CNKSR1: variants seen among roughly 807,000 people sequenced by gnomAD.
CNKSR1 encodes connector enhancer of kinase suppressor of Ras 1.
CNKSR1 carries 88 observed loss-of-function variants against 95.6 expected under a neutral mutation model. The ratio of observed to expected loss-of-function variants is 0.92; its 90% CI spans 0.78 to 1.10. CNKSR1 has a LOEUF of 1.10. Ranked by LOEUF, CNKSR1 falls within the 50% of genes least tolerant of loss-of-function variation. The pLI, the probability that CNKSR1 is intolerant of heterozygous loss-of-function variation, is 0.00. For missense variants in CNKSR1, 836 were observed against 912.0 expected, an observed-to-expected ratio of 0.92 and a Z score of 1.07; for synonymous variants, 355 against 369.7, an observed-to-expected ratio of 0.96 and a Z score of 0.46.
At position 26,185,076 on chromosome 1, in the gene CNKSR1, G is replaced by A. The variant is rs1477974769; in HGVS notation, c.1198G>A (p.Asp400Asn). Residue 400 changes from aspartate to asparagine, a missense_variant, in exon 14 of 21, where the codon GAC (aspartate) becomes AAC (asparagine). Asp to Asn is a conservative substitution (Grantham distance 23, BLOSUM62 1). Coordinates refer to ENST00000361530, the MANE Select transcript of CNKSR1 (RefSeq NM_006314.3). ...SCRELGRPDC[D>N]GWLLLRKAPG... ...CCGTGAGCTGGGCCGGCCGGACTGT[G>A]ACGGCTGGCTCCTGTTGCGAAAGGC... is the stretch of plus-strand genomic sequence containing the variant. The A allele has an allele frequency of 1.2e-6, 2 of 1,605,936 alleles. No individual in the cohort carries two copies. Among genetic ancestry groups the A allele is most frequent in the African/African-American group, 1.3e-5 (1 of 74,880 alleles).
At chr1:26,181,751 A>T in intron 3 of CNKSR1, 106 bp from the exon 4 acceptor site, 1 of 1,067,740 alleles carries the variant, frequency 9.4e-7, no homozygotes, top group Non-Finnish European at 1.4e-6. Flanking sequence ...AAAACCCATC[A>T]GAGCAGGTAT....
Position 26,180,700 on chromosome 1 carries a change from C to T in CNKSR1, c.211-15C>T. The T allele has an allele frequency of 6.2e-7, 1 of 1,614,018 alleles. No homozygotes were observed. The highest frequency in any genetic ancestry group is 2.2e-5 in the East Asian group (1 of 44,878). On this transcript the variant is annotated splice_polypyrimidine_tract_variant and intron_variant, in intron 2 of 20. Coordinates refer to ENST00000361530, the MANE Select transcript of CNKSR1 (RefSeq NM_006314.3). ...GCTGCTGCCAGGGAGGTGACTTGCCCTCTTTCTGGCACAGAGCTCCAGGCT... is the reference window on the plus strand; with the variant it reads ...GCTGCTGCCAGGGAGGTGACTTGCCTTCTTTCTGGCACAGAGCTCCAGGCT...
chr1:26,183,399 C>T lies in CNKSR1; in HGVS notation c.738C>T (p.Ile246=), dbSNP rs907392705. The T allele has an allele frequency of 1.2e-6, 2 of 1,614,132 alleles. No homozygotes were observed. The highest frequency in any genetic ancestry group is 3.3e-5 in the Admixed American group (2 of 60,012). ...AGCCTGGAGACGAGGTTGTCCAGAT[C>T]AACGAGCAGGTGGTGGTGCGTGAGG... ...QIQPGDEVVQ[I]NEQVVVGWPR... is the part of the protein sequence containing the mutation. The change falls in exon 8 of 21, where the codon ATC becomes ATT. Residue 246 remains isoleucine (I), a synonymous_variant. Transcript: ENST00000361530.
Position 26,177,663 on chromosome 1 carries a change from G to T in CNKSR1, c.52+64G>T. On this transcript the variant is annotated intron_variant, in intron 1 of 20. Transcript: ENST00000361530. Reference sequence around the variant, plus strand: ...TAGGTGTGGTGTCCCACCGGGAAGCGGGAGGAGAGGAAAAGGAAAAAAAAT... The same window carrying T: ...TAGGTGTGGTGTCCCACCGGGAAGCTGGAGGAGAGGAAAAGGAAAAAAAAT... The T allele has an allele frequency of 4.4e-6, 7 of 1,587,890 alleles. 1 individual carries two copies. In the South Asian group the frequency reaches 7.8e-5, roughly 18 times the overall value.
rs375302474 is a variant in CNKSR1 at position 26,181,938 on chromosome 1, T to G, written c.474T>G (p.His158Gln). ...DLLEELSQVL[H>Q]EDGPAAEKEG... ...TGGAGGAGCTGAGCCAGGTCTTGCA[T>G]GAGGTAGGAGAACCAAGGGCCAGGC... Residue 158 changes from histidine (H) to glutamine (Q), a missense_variant, in exon 4 of 21, where the codon CAT becomes CAG. His to Gln is a conservative substitution (Grantham distance 24). Transcript: ENST00000361530. The G allele has an allele frequency of 8.6e-5, 139 of 1,613,866 alleles. No homozygotes were observed. The highest frequency in any genetic ancestry group is 1.7e-4 in the Admixed American group (10 of 60,010).
At chr1:26,184,869 C>A in intron 13 of CNKSR1, 145 bp from the exon 14 acceptor site, 1 of 911,244 alleles carries the variant, frequency 1.1e-6, no homozygotes, top group Non-Finnish European at 1.6e-6. Flanking sequence ...AGGGTCATCC[C>A]ACCTCAGAGA....
chr1:26,186,138 G>A (rs17163637), intron 14 of CNKSR1, among the ~76,000 whole-genome samples: 1,661 of 152,330 alleles, frequency 0.011, 39 homozygotes, highest in African/African-American at 0.038. Context: ...ATCCTGAGGA[G>A]TCCAGATGCC....
intron 6 of CNKSR1, 26 bp downstream of exon 6, chr1:26,182,610 C>A (rs755803762): frequency 6.3e-7 from 1 of 1,583,826 alleles, no homozygotes; most frequent in Admixed American, 1.7e-5. Flanking sequence ...CCACCTCTCA[C>A]TTCTGACCCC....
Position 26,180,427 on chromosome 1 carries a change from C to T in CNKSR1, c.53-26C>T, listed in dbSNP as rs375015350. 2.2e-5 allele frequency: 36 copies of T among 1,613,102 alleles called. No individual in the cohort carries two copies. In the African/African-American group the frequency reaches 2.3e-4, roughly 10 times the overall value. On this transcript the variant is annotated intron_variant, in intron 1 of 20. Transcript: ENST00000361530. ...AAAGGTCCTGACACCTCTGCTTCCC[C>T]GAGCTGAGCCTTACTCTCCCTCCAG...
At position 26,189,510 on chromosome 1, in the gene CNKSR1, C is replaced by A; in HGVS notation, c.2104C>A (p.Leu702Met). ...TGAAGAGCACTCCCATCTCTGCCCCCTGACCTCAGAGAGCAGCCTCCGACC... is the reference window on the plus strand; with the variant it reads ...TGAAGAGCACTCCCATCTCTGCCCCATGACCTCAGAGAGCAGCCTCCGACC... ...DPEEHSHLCPLTSESSLRPPD... is the reference protein window; with the variant it reads ...DPEEHSHLCPMTSESSLRPPD... Residue 702 changes from leucine to methionine, a missense_variant, in exon 21 of 21, where the codon CTG (leucine) becomes ATG (methionine). Physicochemically the swap from Leu to Met is conservative, Grantham distance 15 (BLOSUM62 2). Coordinates refer to ENST00000361530, the MANE Select transcript of CNKSR1 (RefSeq NM_006314.3). The A allele has an allele frequency of 6.2e-7, 1 of 1,601,286 alleles. No homozygotes were observed. The highest frequency in any genetic ancestry group is 8.6e-7 in the Non-Finnish European group (1 of 1,168,376).
At chr1:26,183,971 C>A in intron 9 of CNKSR1, 100 bp from the exon 10 acceptor site, 1 of 677,114 alleles carries the variant, frequency 1.5e-6, no homozygotes, top group Non-Finnish European at 2.7e-6. Flanking sequence ...CCTTCAGACC[C>A]CCCCACAGGT....
chr1:26,189,718 C>T lies in CNKSR1; in HGVS notation c.*170C>T, dbSNP rs779761394. ...CTCTGCCTGGGCTTTGTGCCACCCT[C>T]TCCCTTGCCAAAGAAGAAACTCTCC... is the stretch of plus-strand genomic sequence containing the variant. On this transcript the variant is annotated 3_prime_UTR_variant, in exon 21 of 21. Coordinates refer to ENST00000361530, the MANE Select transcript of CNKSR1 (RefSeq NM_006314.3). 9.7e-6 allele frequency: 7 copies of T among 721,484 alleles called. No individual in the cohort carries two copies. The Middle Eastern group carries it at 2.0e-3, about 203-fold the overall frequency. The allele number at this position is 721,484 out of a possible 1,614,324, so 44.7% of individuals were successfully genotyped here. A position where few individuals can be genotyped will look rare whatever the true frequency, so the allele number is the denominator to read the frequency against.
At chr1:26,185,882 C>T (rs2088741927) in intron 14 of CNKSR1, among the ~76,000 whole-genome samples, 1 of 152,194 alleles carries the variant, frequency 6.6e-6, no homozygotes, top group Non-Finnish European at 1.5e-5. Flanking sequence ...GATATTCTGT[C>T]CATCCGAATG....
Position 26,184,446 on chromosome 1 carries a change from C to A in CNKSR1, c.1046C>A (p.Pro349His), listed in dbSNP as rs771965978. The A allele has an allele frequency of 3.1e-6, 5 of 1,613,672 alleles. No homozygotes were observed. In the South Asian group the frequency reaches 5.5e-5, roughly 18 times the overall value. The change falls in exon 12 of 21, where the codon CCC becomes CAC. Residue 349 changes from proline to histidine, a missense_variant. Coordinates refer to ENST00000361530, the MANE Select transcript of CNKSR1 (RefSeq NM_006314.3). ...GPEPLPIPPE[P>H]PAILPAGVAG... ...GAGCCCCTGCCCATCCCCCCGGAAC[C>A]CCCAGCCATACTCCCAGCAGGGGTA...
Position 26,188,521 on chromosome 1 carries a change from G to C in CNKSR1, c.1590+18G>C. 6.2e-7 allele frequency: 1 copy of C among 1,602,802 alleles called. No homozygotes were observed. The highest frequency in any genetic ancestry group is 8.5e-7 in the Non-Finnish European group (1 of 1,174,998). ...CAGCCTCGGTGAGTGGGGGGCTGCCGGGGGTAGGAGGTGGGGATAAACAAC... is the reference window on the plus strand; with the variant it reads ...CAGCCTCGGTGAGTGGGGGGCTGCCCGGGGTAGGAGGTGGGGATAAACAAC... On this transcript the variant is annotated intron_variant, in intron 18 of 20. Coordinates refer to ENST00000361530, the MANE Select transcript of CNKSR1 (RefSeq NM_006314.3).
rs768790809 is a variant in CNKSR1 at position 26,183,269 on chromosome 1, C to G, written c.684+13C>G. 6.2e-7 allele frequency: 1 copy of G among 1,614,062 alleles called. No individual in the cohort carries two copies. The highest frequency in any genetic ancestry group is 8.5e-7 in the Non-Finnish European group (1 of 1,180,018). Reference sequence around the variant, plus strand: ...AGTGGACACCCAGGTGAGAGCCCCACACCCTTCTCAGCCGCCCATCCCCGA... The same window carrying G: ...AGTGGACACCCAGGTGAGAGCCCCAGACCCTTCTCAGCCGCCCATCCCCGA... On this transcript the variant is annotated intron_variant, in intron 7 of 20. Transcript: ENST00000361530.
chr1:26,189,194 C>A (rs1569893037), intron 20 of CNKSR1, 85 bp from the exon 21 acceptor site: 11 of 1,543,110 alleles, frequency 7.1e-6, no homozygotes, highest in Non-Finnish European at 9.8e-6. Context: ...CTTCCAGGCA[C>A]CGGACCTCCG....
chr1:26,184,713 T>C, intron 13 of CNKSR1, 101 bp downstream of exon 13: 1 of 1,375,424 alleles, frequency 7.3e-7, no homozygotes, highest in South Asian at 1.2e-5. Context: ...CCACACAGCC[T>C]CTCCTGGAAA....
chr1:26,182,682 TG>T, intron 6 of CNKSR1, 98 bp downstream of exon 6: 2 of 1,134,796 alleles, frequency 1.8e-6, no homozygotes, highest in Middle Eastern at 2.8e-4. Flanking sequence ...TGTGCTGCCA[TG>T]GCTGGAAAGC....
Sources: gnomAD v4.1 joint callset for allele counts (sites outside exome capture counted in the v4.1 genomes callset) on GRCh38, gnomAD v4.1.1 for gene constraint, MANE v1.5 for transcripts, NCBI Gene and HGNC (gene_info 2026-07-23, HGNC 2026-07-21) for gene names.